Variants in SPEF2 observed in about 807,000 individuals in gnomAD.
SPEF2 encodes sperm flagella and cilia-associated protein 2.
Under a neutral mutation model 224.6 loss-of-function variants are expected in SPEF2, and 187 were observed. The observed-to-expected ratio is 0.83, with a 90% CI of 0.74 to 0.94. The LOEUF is 0.94. SPEF2 is among the 40% of genes least tolerant of loss of function. The pLI, the probability that SPEF2 is intolerant of heterozygous loss-of-function variation, is 0.00. For missense variants in SPEF2, 2,170 were observed against 2,135.6 expected (o/e 1.02, Z -0.32); for synonymous variants, 715 against 707.3 (o/e 1.01, Z -0.17).
intron 36 of SPEF2, among the ~76,000 whole-genome samples, chr5:35,808,863 T>TA (rs750186939): frequency 2.7e-5 from 4 of 146,770 alleles, no homozygotes; most frequent in Non-Finnish European, 6.0e-5. Context: ...AATATATATG[T>TA]AAAAAAATTG....
chr5:35,683,285 T>G (rs536218076), intron 10 of SPEF2, among the ~76,000 whole-genome samples: 1 of 152,160 alleles, frequency 6.6e-6, no homozygotes, highest in South Asian at 2.1e-4. Context: ...TTCCAGGAAT[T>G]CAGAATTCAA....
chr5:35,745,133 A>G (rs1748282720), intron 23 of SPEF2, among the ~76,000 whole-genome samples: 1 of 152,194 alleles, frequency 6.6e-6, no homozygotes, highest in Non-Finnish European at 1.5e-5. Context: ...GCTGAGCGAA[A>G]TACAGGGGTA....
chr5:35,767,008 T>C (rs1184335129), intron 26 of SPEF2, among the ~76,000 whole-genome samples: 1 of 151,820 alleles, frequency 6.6e-6, no homozygotes, highest in Non-Finnish European at 1.5e-5. Context: ...TTCATTTAAG[T>C]GTTTAGTGTA....
chr5:35,627,642 A>G (rs1423520275), intron 1 of SPEF2, among the ~76,000 whole-genome samples: 1 of 152,178 alleles, frequency 6.6e-6, no homozygotes, highest in Non-Finnish European at 1.5e-5. Flanking sequence ...ACTTATCATT[A>G]TGTGCCTACT....
At chr5:35,708,524 C>T (rs892184225) in intron 18 of SPEF2, among the ~76,000 whole-genome samples, 16 of 108,390 alleles carry the variant, frequency 1.5e-4, no homozygotes, top group African/African-American at 4.6e-4. Flanking sequence ...CCTCATCACC[C>T]CCATGCCAAC....
chr5:35,623,545 A>G (rs1743811488), intron 1 of SPEF2, among the ~76,000 whole-genome samples: 1 of 152,236 alleles, frequency 6.6e-6, no homozygotes, highest in Non-Finnish European at 1.5e-5. Context: ...CAGAAATGCC[A>G]TAAGGCTGTT....
intron 6 of SPEF2, among the ~76,000 whole-genome samples, chr5:35,651,992 G>A (rs1392841039): frequency 2.0e-5 from 3 of 152,026 alleles, no homozygotes; most frequent in Non-Finnish European, 4.4e-5. Context: ...TTTGGTATTT[G>A]GGTTAATATA....
chr5:35,641,432 G>T lies in SPEF2; in HGVS notation c.163G>T (p.Val55Phe). The T allele has an allele frequency of 6.2e-7, 1 of 1,611,588 alleles. No homozygotes were observed. The highest frequency in any genetic ancestry group is 8.5e-7 in the Non-Finnish European group (1 of 1,178,898). Residue 55 changes from valine to phenylalanine, a missense_variant and splice_region_variant, in exon 3 of 37, where the codon GTT becomes TTT. Transcript: ENST00000356031. ...TATGTAAAATATTTTACTGTCCAGG[G>T]TTTCAAGTGCCAAACTTAATAATTT... ...DDFSEFLDSRVSSAKLNNFSR... is the reference protein window; with the variant it reads ...DDFSEFLDSRFSSAKLNNFSR...
chr5:35,803,539 A>G (rs1246868593), intron 34 of SPEF2, among the ~76,000 whole-genome samples: 1 of 152,128 alleles, frequency 6.6e-6, no homozygotes, highest in Admixed American at 6.5e-5. Context: ...GCTCTCTCTC[A>G]CACACAGGCC....
At chr5:35,684,095 A>AAAT (rs1206884940) in intron 10 of SPEF2, 1 of 152,178 alleles carries the variant, frequency 6.6e-6, no homozygotes, top group East Asian at 1.9e-4. Context: ...AATCATATCT[A>AAAT]CATAGATAAT....
At position 35,779,214 on chromosome 5, in the gene SPEF2, G is replaced by A. The variant is rs867026493; in HGVS notation, c.4315G>A (p.Gly1439Ser). The A allele has an allele frequency of 6.2e-7, 1 of 1,613,722 alleles. No homozygotes were observed. The highest frequency in any genetic ancestry group is 1.1e-5 in the South Asian group (1 of 91,064). ...YLSQEDFFIN[G>S]NIKVFPDPPP... ...AAGCCAAGAAGACTTCTTCATTAAT[G>A]GCAATATAAAAGTCTTCCCAGATCC... The change falls in exon 30 of 37, where the codon GGC (glycine) becomes AGC (serine). Residue 1439 changes from glycine to serine, a missense_variant. Transcript: ENST00000356031.
chr5:35,724,260 C>T (rs1452848277), intron 20 of SPEF2, among the ~76,000 whole-genome samples: 1 of 152,054 alleles, frequency 6.6e-6, no homozygotes, highest in Non-Finnish European at 1.5e-5. Context: ...CACTAAATTG[C>T]TCATAACTTC....
At chr5:35,660,073 T>G (rs1386776580) in intron 8 of SPEF2, among the ~76,000 whole-genome samples, 1 of 152,148 alleles carries the variant, frequency 6.6e-6, no homozygotes, top group Non-Finnish European at 1.5e-5. Flanking sequence ...GTCTCGGCCC[T>G]TTTACAACTC....
chr5:35,802,751 G>T (rs1015027647), intron 34 of SPEF2, among the ~76,000 whole-genome samples: 11 of 152,214 alleles, frequency 7.2e-5, no homozygotes, highest in Admixed American at 3.3e-4. Flanking sequence ...GGGCTAGCCA[G>T]CAGAGCTGGA....
At chr5:35,727,864 C>G in intron 21 of SPEF2, 41 bp downstream of exon 21, 2 of 1,594,304 alleles carry the variant, frequency 1.3e-6, no homozygotes, top group Non-Finnish European at 1.7e-6. Flanking sequence ...TTCATTCTTT[C>G]TCCTGCATAT....
At chr5:35,626,101 G>T (rs752510090) in intron 1 of SPEF2, among the ~76,000 whole-genome samples, 1 of 152,088 alleles carries the variant, frequency 6.6e-6, no homozygotes, top group Non-Finnish European at 1.5e-5. Context: ...TGTTCCAGGC[G>T]GTACAATAGA....
intron 26 of SPEF2, 149 bp from the exon 27 acceptor site, chr5:35,771,460 G>A: frequency 2.1e-6 from 2 of 971,418 alleles, no homozygotes; most frequent in Non-Finnish European, 2.9e-6. Flanking sequence ...GTAAAACATG[G>A]TGGGGTGTGT....
At chr5:35,633,331 A>G (rs452060) in intron 2 of SPEF2, among the ~76,000 whole-genome samples, 20,777 of 152,028 alleles carry the variant, frequency 0.14, 2,515 homozygotes, top group African/African-American at 0.33. Context: ...AGATGCATAT[A>G]TGTTTATAAT....
chr5:35,620,894 T>C (rs1399699245), intron 1 of SPEF2, among the ~76,000 whole-genome samples: 1 of 152,226 alleles, frequency 6.6e-6, no homozygotes, highest in Non-Finnish European at 1.5e-5. Flanking sequence ...TACTGGACTA[T>C]TGACTTACAC....
Sources: gnomAD v4.1 joint callset for allele counts (sites outside exome capture counted in the v4.1 genomes callset) on GRCh38, gnomAD v4.1.1 for gene constraint, MANE v1.5 for transcripts, NCBI Gene and HGNC (gene_info 2026-07-23, HGNC 2026-07-21) for gene names.